The following ACTL8 variants were observed in gnomAD, a reference collection of about 807,000 sequenced individuals.
The protein encoded by ACTL8 is actin-like protein 8.
Under a neutral mutation model 9.3 loss-of-function variants are expected in ACTL8, and 3 were observed. That is an observed-to-expected ratio of 0.32 (90% CI 0.15 to 0.83). The LOEUF is 0.83. Ranked by LOEUF, ACTL8 falls within the 40% of genes least tolerant of loss-of-function variation. ACTL8 has a pLI of 0.57. For missense variants in ACTL8, 381 were observed against 492.2 expected (o/e 0.77, Z 2.14); for synonymous variants, 224 against 205.9 (o/e 1.09, Z -0.75).
At chr1:17,755,807 C>A (rs1018893177) in intron 1 of ACTL8, among the ~76,000 whole-genome samples, 3 of 151,798 alleles carry the variant, frequency 2.0e-5, no homozygotes, top group African/African-American at 7.3e-5. Context: ...AAGCTTAGCC[C>A]CTTGTGGGGG....
chr1:17,791,317 C>T (rs916952309), intron 1 of ACTL8, among the ~76,000 whole-genome samples: 2 of 152,188 alleles, frequency 1.3e-5, no homozygotes, highest in African/African-American at 4.8e-5. Flanking sequence ...CTTCAGATGG[C>T]TCGCTGCTGC....
intron 1 of ACTL8, among the ~76,000 whole-genome samples, chr1:17,799,784 A>G (rs900397873): frequency 2.0e-5 from 3 of 152,160 alleles, no homozygotes; most frequent in Admixed American, 6.6e-5. Context: ...TCTGATAAGC[A>G]CACAACCTCG....
intron 1 of ACTL8, among the ~76,000 whole-genome samples, chr1:17,755,880 T>G (rs2065966290): frequency 6.6e-6 from 1 of 151,438 alleles, no homozygotes; most frequent in Non-Finnish European, 1.5e-5. Flanking sequence ...GAGGGGCTCT[T>G]TCTGGAGGTC....
intron 1 of ACTL8, among the ~76,000 whole-genome samples, chr1:17,819,526 A>G (rs1239897192): frequency 1.3e-5 from 2 of 152,178 alleles, no homozygotes; most frequent in South Asian, 4.1e-4. Flanking sequence ...CTGTCCAGAA[A>G]CGGAAGCCGA....
At position 17,786,636 on chromosome 1, in the gene ACTL8, G is replaced by C. The variant is rs2066199630; in HGVS notation, c.-25+31132G>C. On this transcript the variant is annotated intron_variant, in intron 1 of 2. Transcript: ENST00000375406. ...ACCTCAAAAGGGATAGAGGAGAGAGGGGACATATACATGGACCTTCTTTAC... is the reference window on the plus strand; with the variant it reads ...ACCTCAAAAGGGATAGAGGAGAGAGCGGACATATACATGGACCTTCTTTAC... Among the ~76,000 whole-genome samples the C allele has an allele frequency of 2.0e-5, 3 of 152,212 alleles. No individual in the cohort carries two copies. In the South Asian group the frequency reaches 6.2e-4, roughly 32 times the overall value.
At chr1:17,784,023 T>C (rs1339762464) in intron 1 of ACTL8, among the ~76,000 whole-genome samples, 1 of 152,260 alleles carries the variant, frequency 6.6e-6, no homozygotes, top group Non-Finnish European at 1.5e-5. Context: ...GTCTGTGATA[T>C]GGGAATCGTA....
At chr1:17,800,624 G>A (rs1268045615) in intron 1 of ACTL8, among the ~76,000 whole-genome samples, 2 of 107,636 alleles carry the variant, frequency 1.9e-5, no homozygotes, top group South Asian at 2.9e-4. Context: ...ACAGAGTCTC[G>A]CACTATTGTT....
At chr1:17,787,223 A>G (rs899771635) in intron 1 of ACTL8, among the ~76,000 whole-genome samples, 2 of 151,752 alleles carry the variant, frequency 1.3e-5, no homozygotes, top group African/African-American at 2.4e-5. Flanking sequence ...TTCTTATTCA[A>G]CCATGTCCTA....
chr1:17,796,833 T>C (rs2102690420), intron 1 of ACTL8, among the ~76,000 whole-genome samples: 1 of 152,350 alleles, frequency 6.6e-6, no homozygotes, highest in Non-Finnish European at 1.5e-5. Flanking sequence ...AGGTGGCTAC[T>C]TGTCGGAGTG....
intron 1 of ACTL8, among the ~76,000 whole-genome samples, chr1:17,795,190 T>A (rs1365423610): frequency 6.6e-6 from 1 of 152,130 alleles, no homozygotes; most frequent in African/African-American, 2.4e-5. Flanking sequence ...ATGTCCAGAG[T>A]CACTGTCGTT....
intron 1 of ACTL8, among the ~76,000 whole-genome samples, chr1:17,814,168 G>T (rs1417055799): frequency 6.6e-6 from 1 of 152,114 alleles, no homozygotes; most frequent in Non-Finnish European, 1.5e-5. Context: ...TTATAATATT[G>T]TAGTTGTACT....
At chr1:17,763,156 A>G (rs901121298) in intron 1 of ACTL8, among the ~76,000 whole-genome samples, 4 of 152,118 alleles carry the variant, frequency 2.6e-5, no homozygotes, top group African/African-American at 7.2e-5. Flanking sequence ...GGGCTCTGGG[A>G]CAGCTATGGA....
intron 1 of ACTL8, among the ~76,000 whole-genome samples, chr1:17,763,337 T>C (rs548544284): frequency 1.7e-4 from 25 of 150,608 alleles, no homozygotes; most frequent in Middle Eastern, 3.4e-3. Flanking sequence ...TTTCAGACCG[T>C]AGAGTCAAGT....
intron 1 of ACTL8, among the ~76,000 whole-genome samples, chr1:17,761,477 C>T (rs1211714252): frequency 6.6e-6 from 1 of 152,118 alleles, no homozygotes; most frequent in Admixed American, 6.5e-5. Context: ...CCCAGGTAAT[C>T]TTGCTGGGTC....
intron 1 of ACTL8, among the ~76,000 whole-genome samples, chr1:17,799,460 C>CT (rs144331230): frequency 3.2e-4 from 47 of 145,612 alleles, no homozygotes; most frequent in East Asian, 1.0e-3. Flanking sequence ...ATCTTTTTGT[C>CT]TTTTTTTTTT....
chr1:17,783,043 T>A (rs150133171), intron 1 of ACTL8, among the ~76,000 whole-genome samples: 2,779 of 152,284 alleles, frequency 0.018, 83 homozygotes, highest in African/African-American at 0.063. Context: ...GGCCAGACAC[T>A]GAAGTGGGCC....
At chr1:17,776,755 T>A (rs1046559442) in intron 1 of ACTL8, among the ~76,000 whole-genome samples, 1 of 152,100 alleles carries the variant, frequency 6.6e-6, no homozygotes, top group African/African-American at 2.4e-5. Context: ...ACCTCCTGTT[T>A]TATGCATTCC....
At chr1:17,818,797 C>T (rs2053618292) in intron 1 of ACTL8, among the ~76,000 whole-genome samples, 1 of 152,168 alleles carries the variant, frequency 6.6e-6, no homozygotes, top group South Asian at 2.1e-4. Flanking sequence ...ACTGATCTTC[C>T]CTGACATGCT....
intron 1 of ACTL8, among the ~76,000 whole-genome samples, chr1:17,784,618 A>C (rs1401548854): frequency 1.3e-5 from 2 of 152,204 alleles, no homozygotes; most frequent in Non-Finnish European, 2.9e-5. Context: ...GTTAGGAAAG[A>C]GATTCAGCAT....
Sources: allele counts gnomAD v4.1 joint callset (sites outside exome capture counted in the v4.1 genomes callset), GRCh38; gene constraint gnomAD v4.1.1; transcripts MANE v1.5; gene names NCBI Gene and HGNC (gene_info 2026-07-23, HGNC 2026-07-21).